ZSCAN22: variants seen among roughly 807,000 people sequenced by gnomAD.
ZSCAN22 encodes zinc finger and SCAN domain-containing protein 22.
Under a neutral mutation model 12.4 loss-of-function variants are expected in ZSCAN22, and 7 were observed. That is an observed-to-expected ratio of 0.57 (90% CI 0.32 to 1.06). The LOEUF (loss-of-function observed/expected upper bound fraction) is 1.06, where lower values mean the gene tolerates loss of function less well. Ranked by LOEUF, ZSCAN22 falls within the 50% of genes least tolerant of loss-of-function variation. The probability of loss-of-function intolerance (pLI) is 0.04; values close to 1 mark genes in which losing one functional copy is unlikely to be tolerated. For missense variants in ZSCAN22, 576 were observed against 631.7 expected, an observed-to-expected ratio of 0.91 and a Z score of 0.94; for synonymous variants, 243 against 255.9, an observed-to-expected ratio of 0.95 and a Z score of 0.48.
intron 1 of ZSCAN22, among the ~76,000 whole-genome samples, chr19:58,330,213 C>A (rs1443962138): frequency 1.3e-5 from 2 of 152,264 alleles, no homozygotes; most frequent in East Asian, 3.9e-4. Context: ...TGGCGTGAAC[C>A]CAGGAGGCAG....
At position 58,340,151 on chromosome 19, in the gene ZSCAN22, A is replaced by G. The variant is rs534712544; in HGVS notation, c.*825A>G. On this transcript the variant is annotated 3_prime_UTR_variant, in exon 3 of 3. Coordinates refer to ENST00000329665, the MANE Select transcript of ZSCAN22 (RefSeq NM_181846.3). ...CACTCTCCAGGGGACTCTTGATATT[A>G]CTTAGATCTGACTGTGTCACTCCAA... 1 of 152,222 alleles carries G rather than the reference A, an allele frequency of 6.6e-6. No individual in the cohort carries two copies. Among genetic ancestry groups the G allele is most frequent in the South Asian group, 2.1e-4 (1 of 4,808 alleles). The allele number at this position is 152,222 out of a possible 1,614,324, so 9.4% of individuals were successfully genotyped here. A position where few individuals can be genotyped will look rare whatever the true frequency, so the allele number is the denominator to read the frequency against.
chr19:58,327,067 T>C lies in ZSCAN22; in HGVS notation c.-99T>C, dbSNP rs1391757569. ...CGGGTCGGCGGGCGCGCAAGTTGGC[T>C]AGTCTCTGCGGCCACCTCCGGAAGG... is the stretch of plus-strand genomic sequence containing the variant. On this transcript the variant is annotated 5_prime_UTR_variant, in exon 1 of 3. Coordinates refer to ENST00000329665, the MANE Select transcript of ZSCAN22 (RefSeq NM_181846.3). 6.5e-6 allele frequency: 1 copy of C among 152,818 alleles called. No individual in the cohort carries two copies. Among genetic ancestry groups the C allele is most frequent in the Non-Finnish European group, 1.5e-5 (1 of 68,544 alleles). The allele number at this position is 152,818 out of a possible 1,614,324, so 9.5% of individuals were successfully genotyped here. A position where few individuals can be genotyped will look rare whatever the true frequency, so the allele number is the denominator to read the frequency against.
chr19:58,330,465 T>C (rs2051709986), intron 1 of ZSCAN22, among the ~76,000 whole-genome samples: 1 of 152,220 alleles, frequency 6.6e-6, no homozygotes, highest in South Asian at 2.1e-4. Flanking sequence ...GATATTCTAA[T>C]TGATTGCCCT....
intron 1 of ZSCAN22, among the ~76,000 whole-genome samples, chr19:58,333,653 C>A (rs1367440220): frequency 6.6e-6 from 1 of 152,120 alleles, no homozygotes; most frequent in Admixed American, 6.5e-5. Context: ...AGACCAGCCC[C>A]GCCAACATGG....
rs79599675 is a variant in ZSCAN22 at position 58,329,032 on chromosome 19, G to A, written c.-52+1918G>A. Among the ~76,000 whole-genome samples the A allele has an allele frequency of 0.019, 2,869 of 152,228 alleles. 107 individuals are homozygous for A. Among genetic ancestry groups the A allele is most frequent in the African/African-American group, 0.063 (2,614 of 41,530 alleles). ...ACCAGGTATCTGGGATGACACCTGA[G>A]GAAAGTGGCAGCTAAGATGAGGCCT... On this transcript the variant is annotated intron_variant, in intron 1 of 2. Coordinates refer to ENST00000329665, the MANE Select transcript of ZSCAN22 (RefSeq NM_181846.3). The surrounding 1 kb of genome is among the most constrained non-coding windows in gnomAD (Gnocchi z 4.1).
rs1439345754 is a variant in ZSCAN22 at position 58,340,704 on chromosome 19, T to G, written c.*1378T>G. ...TTTCACCATGTTAGCCAGGATGGTCTCGATCTCCTGACCTCGTGATCCACC... is the reference window on the plus strand; with the variant it reads ...TTTCACCATGTTAGCCAGGATGGTCGCGATCTCCTGACCTCGTGATCCACC... On this transcript the variant is annotated 3_prime_UTR_variant, in exon 3 of 3. Transcript: ENST00000329665. The G allele has an allele frequency of 1.3e-5, 2 of 151,134 alleles. No homozygotes were observed. The highest frequency in any genetic ancestry group is 3.9e-4 in the East Asian group (2 of 5,142). The allele number at this position is 151,134 out of a possible 1,614,324, so 9.4% of individuals were successfully genotyped here. A position where few individuals can be genotyped will look rare whatever the true frequency, so the allele number is the denominator to read the frequency against.
In ZSCAN22 at chr19:58,341,582, T is replaced by C. The variant is rs1021395444; in HGVS notation, c.*2256T>C. 2 of 152,166 alleles carry C rather than the reference T, an allele frequency of 1.3e-5. No homozygotes were observed. The highest frequency in any genetic ancestry group is 2.1e-4 in the South Asian group (1 of 4,828). 9.4% of individuals were successfully genotyped at this position (152,166 alleles called of 1,614,324 possible). The stretch of plus-strand genomic sequence containing the variant: ...AGACTGATGAGAAACGTTCATAACA[T>C]GAAGGTAAGACTCAGGGAGACAGAG... On this transcript the variant is annotated 3_prime_UTR_variant, in exon 3 of 3. Transcript: ENST00000329665.
rs768304378 is a variant in ZSCAN22 at position 58,335,023 on chromosome 19, G to C, written c.221G>C (p.Cys74Ser). Reference sequence around the variant, plus strand: ...GCCCTGGCCCACCTCCGAGCGCTGTGCTGTCAGTGGCTGCAGCCCGAGGCG... The same window carrying C: ...GCCCTGGCCCACCTCCGAGCGCTGTCCTGTCAGTGGCTGCAGCCCGAGGCG... ...HEALAHLRAL[C>S]CQWLQPEAHS... The change falls in exon 2 of 3, where the codon TGC becomes TCC. Residue 74 changes from cysteine (C) to serine (S), a missense_variant. Transcript: ENST00000329665. The surrounding 1 kb of genome is among the most constrained non-coding windows in gnomAD (Gnocchi z 4.1). 6.2e-7 allele frequency: 1 copy of C among 1,614,094 alleles called. No individual in the cohort carries two copies. The highest frequency in any genetic ancestry group is 1.1e-5 in the South Asian group (1 of 91,086).
intron 1 of ZSCAN22, among the ~76,000 whole-genome samples, chr19:58,332,602 T>C (rs1357047836): frequency 6.6e-6 from 1 of 152,200 alleles, no homozygotes; most frequent in Admixed American, 6.5e-5. Context: ...CTTAGCATCA[T>C]GTTTTCAAGG....
chr19:58,327,576 C>T (rs1048412947), intron 1 of ZSCAN22, among the ~76,000 whole-genome samples: 1 of 152,072 alleles, frequency 6.6e-6, no homozygotes, highest in Non-Finnish European at 1.5e-5. Flanking sequence ...GTCTGATAGG[C>T]GGTTCTGTGT....
chr19:58,332,350 T>G (rs1249219695), intron 1 of ZSCAN22, among the ~76,000 whole-genome samples: 1 of 139,668 alleles, frequency 7.2e-6, no homozygotes, highest in Admixed American at 7.8e-5. Context: ...CTCGGCTCAC[T>G]GCAACCTCTG....
In ZSCAN22 at chr19:58,340,747, G is replaced by T. The variant is rs1374148961; in HGVS notation, c.*1421G>T. 6.6e-6 allele frequency: 1 copy of T among 151,256 alleles called. No homozygotes were observed. Among genetic ancestry groups the T allele is most frequent in the Admixed American group, 6.6e-5 (1 of 15,086 alleles). The allele number at this position is 151,256 out of a possible 1,614,324, so 9.4% of individuals were successfully genotyped here. On this transcript the variant is annotated 3_prime_UTR_variant, in exon 3 of 3. Coordinates refer to ENST00000329665, the MANE Select transcript of ZSCAN22 (RefSeq NM_181846.3). ...GATCCACCCGCCTCGGCCTCCCAAA[G>T]TGCTGGGATTACAGGCGTGAGCCAC...
In ZSCAN22 at chr19:58,334,799, C is replaced by A; in HGVS notation, c.-4C>A. 1.9e-6 allele frequency: 3 copies of A among 1,592,776 alleles called. No homozygotes were observed. The highest frequency in any genetic ancestry group is 2.6e-6 in the Non-Finnish European group (3 of 1,166,822). On this transcript the variant is annotated 5_prime_UTR_variant, in exon 2 of 3. Transcript: ENST00000329665. ...TCCTGTGTCTCACTGAGCACTGCTG[C>A]CCGATGGCCATCCCCAAGCACTCCC... is the stretch of plus-strand genomic sequence containing the variant.
rs747637535 is a variant in ZSCAN22 at position 58,338,990 on chromosome 19, C to T, written c.1140C>T (p.Tyr380=). The T allele has an allele frequency of 2.4e-5, 39 of 1,612,582 alleles. No individual in the cohort carries two copies. The highest frequency in any genetic ancestry group is 1.6e-4 in the African/African-American group (12 of 74,750). Residue 380 remains tyrosine (Y), a synonymous_variant, in exon 3 of 3, where the codon TAC becomes TAT. Coordinates refer to ENST00000329665, the MANE Select transcript of ZSCAN22 (RefSeq NM_181846.3). This position sits in a 1 kb window ranked among gnomAD's most constrained non-coding sequence, Gnocchi z 5.4. The part of the protein sequence containing the change: ...HQRVHTGERP[Y]ECDACGKAFS... ...GGGTGCACACGGGGGAGCGGCCCTACGAGTGTGACGCGTGTGGGAAAGCCT... is the reference window on the plus strand; with the variant it reads ...GGGTGCACACGGGGGAGCGGCCCTATGAGTGTGACGCGTGTGGGAAAGCCT...
At position 58,335,127 on chromosome 19, in the gene ZSCAN22, G is replaced by A; in HGVS notation, c.325G>A (p.Val109Met). The change falls in exon 2 of 3, where the codon GTG becomes ATG. Residue 109 changes from valine to methionine, a missense_variant. Val to Met is a conservative substitution (Grantham distance 21). Coordinates refer to ENST00000329665, the MANE Select transcript of ZSCAN22 (RefSeq NM_181846.3). The surrounding 1 kb of genome is among the most constrained non-coding windows in gnomAD (Gnocchi z 4.1). ...GCTGCCCCCAGAGATCCAAGCCTGG[G>A]TGGGAGCCCAGAGTCCCAAGAGCGG... ...GALPPEIQAW[V>M]GAQSPKSGEE... The A allele has an allele frequency of 1.9e-6, 3 of 1,614,080 alleles. No individual in the cohort carries two copies. Among genetic ancestry groups the A allele is most frequent in the Non-Finnish European group, 2.5e-6 (3 of 1,179,990 alleles).
rs780342708 is a variant in ZSCAN22, at chr19:58,338,725, G to A, written c.875G>A (p.Arg292Gln). 17 of 1,614,210 alleles carry A rather than the reference G, an allele frequency of 1.1e-5. No homozygotes were observed. In the East Asian group the frequency reaches 1.1e-4, roughly 11 times the overall value. ...GAGGCACACCAGAAGACCCATTCTC[G>A]GAAGACCCCATATGCCTGCAGCGAG... ...ALEAHQKTHSRKTPYACSECG... is the reference protein window; with the variant it reads ...ALEAHQKTHSQKTPYACSECG... The change falls in exon 3 of 3, where the codon CGG becomes CAG. Residue 292 changes from arginine to glutamine, a missense_variant. By Grantham distance (43) the Arg-to-Gln change is conservative. Transcript: ENST00000329665. This position sits in a 1 kb window ranked among gnomAD's most constrained non-coding sequence, Gnocchi z 5.4.
intron 1 of ZSCAN22, among the ~76,000 whole-genome samples, chr19:58,328,948 A>T (rs1266166316): frequency 6.6e-6 from 1 of 152,162 alleles, no homozygotes; most frequent in Non-Finnish European, 1.5e-5. Context: ...CTCTGAGGAA[A>T]CAGTACAGAA....
intron 1 of ZSCAN22, among the ~76,000 whole-genome samples, chr19:58,333,912 AT>A (rs1390149453): frequency 6.6e-6 from 1 of 152,264 alleles, no homozygotes; most frequent in Non-Finnish European, 1.5e-5. Flanking sequence ...ATTAGAAAAT[AT>A]TTTTAACTAA....
intron 2 of ZSCAN22, among the ~76,000 whole-genome samples, chr19:58,337,363 C>T (rs1000381162): frequency 1.3e-5 from 2 of 151,692 alleles, no homozygotes; most frequent in African/African-American, 2.4e-5. Context: ...ACATCCAGGC[C>T]TAGACGCAAG....
Sources: allele counts gnomAD v4.1 joint callset (sites outside exome capture counted in the v4.1 genomes callset), GRCh38; gene constraint gnomAD v4.1.1; non-coding constraint Gnocchi (gnomAD v3.1); transcripts MANE v1.5; gene names NCBI Gene and HGNC (gene_info 2026-07-23, HGNC 2026-07-21).